DPF3: variants seen among roughly 807,000 people sequenced by gnomAD.
The protein encoded by DPF3 is zinc finger protein DPF3.
In DPF3, 18 loss-of-function variants were observed where a neutral mutation model predicts 56.8. The observed-to-expected ratio is 0.32, with a 90% confidence interval of 0.22 to 0.47. The LOEUF is 0.47. Ranked by LOEUF, DPF3 falls within the 20% of genes least tolerant of loss-of-function variation. DPF3 has a pLI of 1.00. For synonymous variants in DPF3, 188 were observed against 180.2 expected, an observed-to-expected ratio of 1.04 and a Z score of -0.35; for missense variants, 403 against 488.8, an observed-to-expected ratio of 0.82 and a Z score of 1.65.
At chr14:72,651,084 G>A (rs1015578821) in intron 8 of DPF3, among the ~76,000 whole-genome samples, 1 of 152,224 alleles carries the variant, frequency 6.6e-6, no homozygotes, top group Non-Finnish European at 1.5e-5. Context: ...AAGCCTCTAA[G>A]AGGTAAAGTG....
rs1456948200 is a variant in DPF3 at position 72,693,019 on chromosome 14, T to C, written c.742+57A>G. 19 of 1,605,734 alleles carry C rather than the reference T, an allele frequency of 1.2e-5. No homozygotes were observed. In the East Asian group the frequency reaches 3.8e-4, roughly 32 times the overall value. The stretch of plus-strand genomic sequence containing the variant: ...AGTGAGAAAAAGGAACAAGGAACGC[T>C]CCCCAGCCTGTCTAACCCACTTCTT... On this transcript the variant is annotated intron_variant, in intron 7 of 10. Coordinates refer to ENST00000556509, the MANE Select transcript of DPF3 (RefSeq NM_001280542.3).
rs1883632528 is a variant in DPF3 at position 72,610,052 on chromosome 14, C to T, written c.*9245G>A. Reference sequence around the variant, plus strand: ...GTCATTCCTTTATGACTGAGAGTCTCAGAAGGAGTTGTGAGTGTGAGGTAA... The same window carrying T: ...GTCATTCCTTTATGACTGAGAGTCTTAGAAGGAGTTGTGAGTGTGAGGTAA... On this transcript the variant is annotated 3_prime_UTR_variant, in exon 11 of 11. Transcript: ENST00000556509. 6.6e-6 allele frequency among the ~76,000 whole-genome samples: 1 copy of T among 152,184 alleles called. No individual in the cohort carries two copies. The highest frequency in any genetic ancestry group is 6.5e-5 in the Admixed American group (1 of 15,276).
At chr14:72,833,645 T>C (rs527477512) in intron 1 of DPF3, among the ~76,000 whole-genome samples, 2 of 152,156 alleles carry the variant, frequency 1.3e-5, no homozygotes, top group East Asian at 3.9e-4. Context: ...GGTAAAGACC[T>C]AGGCCTGCTT....
chr14:72,879,999 C>A, intron 1 of DPF3: 2 of 1,436,744 alleles, frequency 1.4e-6, no homozygotes, highest in South Asian at 1.5e-5. Context: ...GACTGAGTAG[C>A]CTGCACACTA....
chr14:72,739,236 T>C (rs1890029395), intron 3 of DPF3, among the ~76,000 whole-genome samples: 1 of 144,544 alleles, frequency 6.9e-6, no homozygotes, highest in Admixed American at 6.8e-5. Context: ...AGTGAGACTC[T>C]GTCTCAAAAA....
At chr14:72,680,585 T>C (rs767172796) in intron 7 of DPF3, among the ~76,000 whole-genome samples, 9 of 152,254 alleles carry the variant, frequency 5.9e-5, no homozygotes, top group Non-Finnish European at 1.3e-4. Flanking sequence ...TAAAGGGGAC[T>C]ACGCTGGAGC....
intron 8 of DPF3, among the ~76,000 whole-genome samples, chr14:72,651,091 A>G (rs961695739): frequency 1.3e-5 from 2 of 152,218 alleles, no homozygotes; most frequent in African/African-American, 4.8e-5. Context: ...TAAGAGGTAA[A>G]GTGACTTGCT....
chr14:72,821,298 C>A (rs1371062583), intron 1 of DPF3, among the ~76,000 whole-genome samples: 1 of 151,962 alleles, frequency 6.6e-6, no homozygotes, highest in Non-Finnish European at 1.5e-5. Context: ...CAAGAAAAAA[C>A]AAGTCTGGCC....
At chr14:72,732,920 TTC>T (rs943259106) in intron 3 of DPF3, among the ~76,000 whole-genome samples, 5 of 151,102 alleles carry the variant, frequency 3.3e-5, no homozygotes, top group Non-Finnish European at 4.4e-5. Context: ...CTTTCTTTCT[TTC>T]TCTCTCTCTC....
At position 72,771,766 on chromosome 14, in the gene DPF3, A is replaced by G; in HGVS notation, c.160T>C (p.Tyr54His). ...CGGTGCCTCTTCTCCATCCAGATGT[A>G]GCAGTTGTTCTGGGCCACCCCAGTC... ...SQTGVAQNNCYIWMEKRHRGP... is the reference protein window; with the variant it reads ...SQTGVAQNNCHIWMEKRHRGP... Residue 54 changes from tyrosine (Y) to histidine (H), a missense_variant, in exon 2 of 11, where the codon TAC becomes CAC. Coordinates refer to ENST00000556509, the MANE Select transcript of DPF3 (RefSeq NM_001280542.3). 3.1e-6 allele frequency: 5 copies of G among 1,613,446 alleles called. No individual in the cohort carries two copies. Among genetic ancestry groups the G allele is most frequent in the Non-Finnish European group, 4.2e-6 (5 of 1,179,630 alleles).
At chr14:72,800,183 T>C (rs1892812890) in intron 1 of DPF3, among the ~76,000 whole-genome samples, 1 of 152,140 alleles carries the variant, frequency 6.6e-6, no homozygotes, top group Non-Finnish European at 1.5e-5. Context: ...ATAAGGATGG[T>C]TCACTGTGGC....
At chr14:72,652,261 C>T (rs1356957559) in intron 8 of DPF3, among the ~76,000 whole-genome samples, 1 of 152,182 alleles carries the variant, frequency 6.6e-6, no homozygotes. Flanking sequence ...AGACAGAGGG[C>T]CCTTCCCCAC....
At chr14:72,677,955 C>T (rs943907828) in intron 7 of DPF3, among the ~76,000 whole-genome samples, 1 of 142,162 alleles carries the variant, frequency 7.0e-6, no homozygotes, top group Non-Finnish European at 1.5e-5. Flanking sequence ...CACTCAGCTT[C>T]CCTTTTGTTC....
At chr14:72,660,773 G>T (rs936880466) in intron 8 of DPF3, among the ~76,000 whole-genome samples, 2 of 152,188 alleles carry the variant, frequency 1.3e-5, no homozygotes, top group Non-Finnish European at 2.9e-5. Context: ...GATGGTGATG[G>T]TGATGGGGGA....
intron 1 of DPF3, among the ~76,000 whole-genome samples, chr14:72,807,948 G>C (rs1882861541): frequency 6.6e-6 from 1 of 152,168 alleles, no homozygotes; most frequent in Non-Finnish European, 1.5e-5. Flanking sequence ...CTGGGCGACA[G>C]AGCAAGAACC....
chr14:72,744,341 T>C (rs1422019472), intron 3 of DPF3, among the ~76,000 whole-genome samples: 1 of 152,114 alleles, frequency 6.6e-6, no homozygotes, highest in Non-Finnish European at 1.5e-5. Flanking sequence ...GGTGCAATCA[T>C]GGCTCACTGC....
At chr14:72,838,264 C>T (rs946471619) in intron 1 of DPF3, among the ~76,000 whole-genome samples, 12 of 151,694 alleles carry the variant, frequency 7.9e-5, no homozygotes, top group South Asian at 4.2e-4. Context: ...GAGGCCGAGA[C>T]GGGCAGATCA....
At chr14:72,656,957 A>T (rs1030763460) in intron 8 of DPF3, among the ~76,000 whole-genome samples, 9 of 152,228 alleles carry the variant, frequency 5.9e-5, no homozygotes, top group Non-Finnish European at 1.0e-4. Context: ...TGCAACTAGT[A>T]AGAAGGTTTC....
chr14:72,737,756 C>T (rs911251422), intron 3 of DPF3, among the ~76,000 whole-genome samples: 1 of 152,158 alleles, frequency 6.6e-6, no homozygotes, highest in Non-Finnish European at 1.5e-5. Flanking sequence ...TGGTGAAACA[C>T]CCCGACAAGG....
Sources: allele counts gnomAD v4.1 joint callset (sites outside exome capture counted in the v4.1 genomes callset), GRCh38; gene constraint gnomAD v4.1.1; transcripts MANE v1.5; gene names NCBI Gene and HGNC (gene_info 2026-07-23, HGNC 2026-07-21).